ZNF804B: variants seen among roughly 807,000 people sequenced by gnomAD.
ZNF804B encodes the protein zinc finger protein 804B, also known as zinc finger 804B.
In ZNF804B, 80 loss-of-function variants were observed where a neutral mutation model predicts 101.4. The ratio of observed to expected loss-of-function variants is 0.79; its 90% CI spans 0.66 to 0.95. ZNF804B has a LOEUF of 0.95. Ranked by LOEUF, ZNF804B falls within the 40% of genes least tolerant of loss-of-function variation. The pLI, the probability that ZNF804B is intolerant of heterozygous loss-of-function variation, is 0.00. For missense variants in ZNF804B, 1,673 were observed against 1,561.9 expected (o/e 1.07, Z -1.20); for synonymous variants, 622 against 558.8 (o/e 1.11, Z -1.59).
At chr7:88,770,562 G>T (rs114506357) in intron 1 of ZNF804B, among the ~76,000 whole-genome samples, 1 of 152,218 alleles carries the variant, frequency 6.6e-6, no homozygotes, top group Non-Finnish European at 1.5e-5. Flanking sequence ...CATTAAGCCA[G>T]TAAGACTGTT....
intron 1 of ZNF804B, among the ~76,000 whole-genome samples, chr7:88,834,641 C>T (rs560890315): frequency 1.2e-4 from 17 of 143,444 alleles, no homozygotes; most frequent in Admixed American, 4.4e-4. Flanking sequence ...TTGAACTATA[C>T]GCTCACTTTG....
chr7:88,854,527 T>TTTCCTTTCCTTCCCTTCCTTCC (rs1791519535), intron 1 of ZNF804B, among the ~76,000 whole-genome samples: 6 of 40,074 alleles, frequency 1.5e-4, no homozygotes, highest in East Asian at 1.1e-3. Flanking sequence ...CTTTCCTTCC[T>TTTCCTTTCCTTCCCTTCCTTCC]TTCCTTCCTT....
At chr7:89,253,947 A>G (rs910913076) in intron 2 of ZNF804B, among the ~76,000 whole-genome samples, 3 of 152,160 alleles carry the variant, frequency 2.0e-5, no homozygotes, top group African/African-American at 7.2e-5. Flanking sequence ...TTCAATATCC[A>G]TTCAGAATGA....
chr7:88,781,665 A>G (rs1014905407), intron 1 of ZNF804B, among the ~76,000 whole-genome samples: 1 of 152,136 alleles, frequency 6.6e-6, no homozygotes, highest in Non-Finnish European at 1.5e-5. Context: ...TACTCATTCA[A>G]TTTACAAAAT....
intron 1 of ZNF804B, among the ~76,000 whole-genome samples, chr7:89,061,576 G>T (rs1789380498): frequency 6.6e-6 from 1 of 152,056 alleles, no homozygotes; most frequent in Admixed American, 6.6e-5. Flanking sequence ...CACTATTGTG[G>T]ATAAGAGCAG....
chr7:89,323,814 G>C (rs1790856631), intron 2 of ZNF804B, among the ~76,000 whole-genome samples: 1 of 152,020 alleles, frequency 6.6e-6, no homozygotes, highest in Non-Finnish European at 1.5e-5. Context: ...TGTGCTGTCT[G>C]TTCTCAATAA....
chr7:89,234,285 T>C (rs1468929635), intron 2 of ZNF804B, among the ~76,000 whole-genome samples: 1 of 151,918 alleles, frequency 6.6e-6, no homozygotes, highest in Non-Finnish European at 1.5e-5. Flanking sequence ...TTTATTGTGG[T>C]CAACCCCCTT....
At chr7:89,304,621 G>A (rs1441149396) in intron 2 of ZNF804B, among the ~76,000 whole-genome samples, 1 of 151,854 alleles carries the variant, frequency 6.6e-6, no homozygotes, top group African/African-American at 2.4e-5. Flanking sequence ...GTTCAATGTT[G>A]TTAAAGTGTT....
At chr7:89,094,337 T>A (rs2116329572) in intron 1 of ZNF804B, among the ~76,000 whole-genome samples, 1 of 152,336 alleles carries the variant, frequency 6.6e-6, no homozygotes, top group Admixed American at 6.5e-5. Context: ...TGTGTGTGTG[T>A]ATATATACAT....
intron 2 of ZNF804B, among the ~76,000 whole-genome samples, chr7:89,227,975 T>C (rs1789121078): frequency 6.6e-6 from 1 of 152,206 alleles, no homozygotes; most frequent in African/African-American, 2.4e-5. Flanking sequence ...AAAATCTGAA[T>C]ACACAATTAA....
chr7:89,328,254 C>T (rs1790926868), intron 3 of ZNF804B, among the ~76,000 whole-genome samples: 1 of 151,732 alleles, frequency 6.6e-6, no homozygotes, highest in Non-Finnish European at 1.5e-5. Flanking sequence ...AATTAGTTAC[C>T]ACAAAATATT....
chr7:89,256,648 C>T (rs1027277651), intron 2 of ZNF804B, among the ~76,000 whole-genome samples: 4 of 152,012 alleles, frequency 2.6e-5, no homozygotes, highest in African/African-American at 7.2e-5. Context: ...AAACATAATA[C>T]TCAGCAAACA....
chr7:89,223,614 T>TTTATTTATTTAA lies in ZNF804B; in HGVS notation c.249+5330_249+5331insATTATTTATTTA, dbSNP rs150359662. On this transcript the variant is annotated intron_variant, in intron 2 of 3. Transcript: ENST00000333190. Reference sequence around the variant, plus strand: ...TTTGAATAAAAATTAAGATTATTTATTTATTTATTTATTTATTTATTTTTG... The same window carrying TTTATTTATTTAA: ...TTTGAATAAAAATTAAGATTATTTATTTATTTATTTAATTATTTATTTATTTATTTATTTTTG... 4.7e-4 allele frequency among the ~76,000 whole-genome samples: 71 copies of TTTATTTATTTAA among 150,638 alleles called. 1 individual carries two copies. In the East Asian group the frequency reaches 0.014, roughly 29 times the overall value.
chr7:88,943,886 T>C (rs993436258), intron 1 of ZNF804B, among the ~76,000 whole-genome samples: 1 of 151,860 alleles, frequency 6.6e-6, no homozygotes, highest in African/African-American at 2.4e-5. Context: ...GTATTTGTCT[T>C]CCGTCACTTA....
At chr7:89,016,823 C>T (rs1788571386) in intron 1 of ZNF804B, among the ~76,000 whole-genome samples, 1 of 152,242 alleles carries the variant, frequency 6.6e-6, no homozygotes, top group East Asian at 1.9e-4. Context: ...GATGCGGGCT[C>T]CTTTTTGGTT....
chr7:88,797,634 G>C (rs4598183), intron 1 of ZNF804B, among the ~76,000 whole-genome samples: 24,275 of 152,000 alleles, frequency 0.16, 1,975 homozygotes, highest in African/African-American at 0.2. Flanking sequence ...CTGCTACCCA[G>C]GAGCCCCTTT....
intron 1 of ZNF804B, among the ~76,000 whole-genome samples, chr7:89,151,051 A>G (rs868250421): frequency 6.6e-6 from 1 of 152,144 alleles, no homozygotes; most frequent in Middle Eastern, 3.2e-3. Context: ...CCTATTGCAT[A>G]TGATGTAGTA....
At chr7:88,862,129 G>A (rs192737748) in intron 1 of ZNF804B, among the ~76,000 whole-genome samples, 1 of 152,278 alleles carries the variant, frequency 6.6e-6, no homozygotes, top group Admixed American at 6.5e-5. Context: ...GTTGAATTAT[G>A]TGCTTTCAAA....
intron 2 of ZNF804B, among the ~76,000 whole-genome samples, chr7:89,305,022 C>T (rs1478506478): frequency 6.6e-6 from 1 of 152,042 alleles, no homozygotes; most frequent in Non-Finnish European, 1.5e-5. Flanking sequence ...TAGAGCCACT[C>T]TCTAAAGTGG....
Sources: allele counts gnomAD v4.1 joint callset (sites outside exome capture counted in the v4.1 genomes callset), GRCh38; gene constraint gnomAD v4.1.1; transcripts MANE v1.5; gene names NCBI Gene and HGNC (gene_info 2026-07-23, HGNC 2026-07-21).